Variants in SNTG2 observed in about 807,000 individuals in gnomAD.
SNTG2 encodes the protein syntrophin gamma 2.
In SNTG2, 74 loss-of-function variants were observed where a neutral mutation model predicts 70.9. The observed-to-expected ratio is 1.04, with a 90% CI of 0.86 to 1.27. The LOEUF is 1.27. Among genes scored for constraint, SNTG2 ranks in the 50% most tolerant of loss-of-function variants. SNTG2 has a pLI of 0.00. For missense variants in SNTG2, 717 were observed against 690.7 expected, an observed-to-expected ratio of 1.04 and a Z score of -0.43; for synonymous variants, 278 against 273.8, an observed-to-expected ratio of 1.02 and a Z score of -0.15.
At chr2:1,136,017 T>G (rs1668361249) in intron 4 of SNTG2, among the ~76,000 whole-genome samples, 1 of 152,052 alleles carries the variant, frequency 6.6e-6, no homozygotes, top group African/African-American at 2.4e-5. Context: ...ATTAATTGAT[T>G]TGGACCTTGT....
At chr2:1,177,620 A>G (rs2147897430) in intron 8 of SNTG2, among the ~76,000 whole-genome samples, 1 of 152,304 alleles carries the variant, frequency 6.6e-6, no homozygotes, top group South Asian at 2.1e-4. Flanking sequence ...AGTATGAAAA[A>G]GAAATTAATT....
intron 1 of SNTG2, among the ~76,000 whole-genome samples, chr2:1,003,397 A>G (rs1402362783): frequency 1.3e-5 from 2 of 152,220 alleles, no homozygotes; most frequent in African/African-American, 4.8e-5. Flanking sequence ...AGCCAGTGGC[A>G]TCAGCTCAGG....
chr2:1,170,629 C>T (rs1043518407), intron 7 of SNTG2, among the ~76,000 whole-genome samples: 3 of 152,060 alleles, frequency 2.0e-5, no homozygotes, highest in Non-Finnish European at 2.9e-5. Context: ...AGAGTCCGCC[C>T]CCAATGTCGC....
intron 1 of SNTG2, among the ~76,000 whole-genome samples, chr2:992,975 T>A (rs1661551151): frequency 6.6e-6 from 1 of 151,848 alleles, no homozygotes; most frequent in Admixed American, 6.6e-5. Context: ...TCCCCCCAAA[T>A]CCTGGCAACA....
chr2:1,119,542 T>G (rs957356816), intron 4 of SNTG2, among the ~76,000 whole-genome samples: 2 of 147,840 alleles, frequency 1.4e-5, no homozygotes, highest in East Asian at 2.0e-4. Flanking sequence ...GGAGGAGAAG[T>G]TAAAGGCTCG....
chr2:1,356,933 T>G (rs1660881560), intron 16 of SNTG2, among the ~76,000 whole-genome samples: 1 of 151,976 alleles, frequency 6.6e-6, no homozygotes, highest in Non-Finnish European at 1.5e-5. Context: ...CTATTGTAAG[T>G]GGGTTTTTTT....
intron 9 of SNTG2, 68 bp from the exon 10 acceptor site, chr2:1,237,820 C>T (rs146197111): frequency 0.99 from 1,523,948 of 1,532,172 alleles, 757,888 homozygotes; most frequent in East Asian, 1. Context: ...GCATCAGCCT[C>T]GAAACTCACG....
chr2:1,049,465 C>T (rs992644847), intron 1 of SNTG2, among the ~76,000 whole-genome samples: 1 of 152,146 alleles, frequency 6.6e-6, no homozygotes, highest in African/African-American at 2.4e-5. Flanking sequence ...TTTAAGCTTT[C>T]TTTGTGTCTT....
chr2:997,759 G>A (rs1476954973), intron 1 of SNTG2, among the ~76,000 whole-genome samples: 1 of 152,236 alleles, frequency 6.6e-6, no homozygotes, highest in Non-Finnish European at 1.5e-5. Context: ...CCAGAGACCA[G>A]CCTGTTGCCT....
intron 1 of SNTG2, among the ~76,000 whole-genome samples, chr2:1,003,971 G>T (rs1315098065): frequency 2.6e-5 from 4 of 152,138 alleles, no homozygotes; most frequent in African/African-American, 9.7e-5. Context: ...CATGCAAACT[G>T]AATGCTTAAT....
At chr2:1,181,985 T>C (rs1671935778) in intron 8 of SNTG2, among the ~76,000 whole-genome samples, 1 of 152,232 alleles carries the variant, frequency 6.6e-6, no homozygotes, top group Non-Finnish European at 1.5e-5. Context: ...CACCTGTTGC[T>C]GAATCCATTG....
chr2:1,214,365 C>CT (rs1674238673), intron 9 of SNTG2, among the ~76,000 whole-genome samples: 1 of 152,136 alleles, frequency 6.6e-6, no homozygotes. Flanking sequence ...AACATTAACT[C>CT]TTCCAATCCA....
At chr2:966,904 G>A (rs1269652062) in intron 1 of SNTG2, among the ~76,000 whole-genome samples, 2 of 152,070 alleles carry the variant, frequency 1.3e-5, no homozygotes, top group Non-Finnish European at 2.9e-5. Context: ...CCGAGATCGC[G>A]CCACTGCCCT....
chr2:991,706 T>G (rs1332118944), intron 1 of SNTG2, among the ~76,000 whole-genome samples: 1 of 152,158 alleles, frequency 6.6e-6, no homozygotes, highest in African/African-American at 2.4e-5. Context: ...GGACAAGCAT[T>G]TCCCGGCACA....
At chr2:1,177,867 T>G (rs1671588020) in intron 8 of SNTG2, among the ~76,000 whole-genome samples, 1 of 152,200 alleles carries the variant, frequency 6.6e-6, no homozygotes, top group Non-Finnish European at 1.5e-5. Context: ...TCTTTTATAT[T>G]AATTTGTCAT....
At chr2:1,033,328 C>T (rs1307045576) in intron 1 of SNTG2, among the ~76,000 whole-genome samples, 1 of 152,156 alleles carries the variant, frequency 6.6e-6, no homozygotes, top group Non-Finnish European at 1.5e-5. Context: ...AAGACAAGTC[C>T]AGAGAGTAGA....
chr2:1,154,287 G>A (rs1299709799), intron 6 of SNTG2, among the ~76,000 whole-genome samples: 1 of 152,162 alleles, frequency 6.6e-6, no homozygotes, highest in Non-Finnish European at 1.5e-5. Context: ...GCTGGCACGG[G>A]CGTGGAGATG....
Position 1,013,022 on chromosome 2 carries a change from G to A in SNTG2, c.72+61954G>A, listed in dbSNP as rs370017709. ...GGCAGAGAGAAGGGTGGTCTGGAGA[G>A]GGATTTATATGGGCAGAGAGAAGGG... On this transcript the variant is annotated intron_variant, in intron 1 of 16. Transcript: ENST00000308624. 4.4e-3 allele frequency among the ~76,000 whole-genome samples: 41 copies of A among 9,344 alleles called. 1 individual carries two copies. Among genetic ancestry groups the A allele is most frequent in the Admixed American group, 5.1e-3 (4 of 784 alleles). The allele number at this position is 9,344 out of a possible 152,430, so 6.1% of individuals were successfully genotyped here. A position where few individuals can be genotyped will look rare whatever the true frequency, so the allele number is the denominator to read the frequency against.
At chr2:1,357,098 A>G (rs1172359846) in intron 16 of SNTG2, among the ~76,000 whole-genome samples, 1 of 152,114 alleles carries the variant, frequency 6.6e-6, no homozygotes, top group Non-Finnish European at 1.5e-5. Flanking sequence ...ATATAAGATT[A>G]TGTTTCTACA....
Sources: allele counts gnomAD v4.1 joint callset (sites outside exome capture counted in the v4.1 genomes callset), GRCh38; gene constraint gnomAD v4.1.1; transcripts MANE v1.5; gene names NCBI Gene and HGNC (gene_info 2026-07-23, HGNC 2026-07-21).